The following EPB41L2 variants were observed in gnomAD, a reference collection of about 807,000 sequenced individuals.
EPB41L2 encodes the protein erythrocyte membrane protein band 4.1 like 2.
In EPB41L2, 43 loss-of-function variants were observed where a neutral mutation model predicts 113.0. The ratio of observed to expected loss-of-function variants is 0.38; its 90% CI spans 0.30 to 0.49. EPB41L2 has a LOEUF of 0.49. EPB41L2 is among the 20% of genes least tolerant of loss of function. The pLI is 0.95. For missense variants in EPB41L2, 1,147 were observed against 1,223.4 expected (o/e 0.94, Z 0.93); for synonymous variants, 442 against 436.7 (o/e 1.01, Z -0.15).
intron 4 of EPB41L2, among the ~76,000 whole-genome samples, chr6:130,925,914 A>G (rs1361149342): frequency 2.6e-5 from 4 of 152,260 alleles, no homozygotes; most frequent in African/African-American, 9.6e-5. Flanking sequence ...TTTAAAGCTA[A>G]GCAAGTTGAG....
chr6:131,000,219 G>T (rs1406675413), intron 1 of EPB41L2, among the ~76,000 whole-genome samples: 2 of 152,034 alleles, frequency 1.3e-5, no homozygotes, highest in Non-Finnish European at 2.9e-5. Flanking sequence ...ACTAGACTGG[G>T]TAGGGAGGAT....
At chr6:130,962,154 A>C (rs545927718) in intron 1 of EPB41L2, among the ~76,000 whole-genome samples, 1 of 151,854 alleles carries the variant, frequency 6.6e-6, no homozygotes, top group African/African-American at 2.4e-5. Context: ...AACGTGAGGG[A>C]AAAAAAACAA....
chr6:130,986,498 C>A (rs1262352167), intron 1 of EPB41L2, among the ~76,000 whole-genome samples: 1 of 151,130 alleles, frequency 6.6e-6, no homozygotes, highest in African/African-American at 2.4e-5. Context: ...GCATTGCTGG[C>A]AGGAATGTAA....
chr6:130,986,585 T>C (rs1403663120), intron 1 of EPB41L2, among the ~76,000 whole-genome samples: 1 of 150,844 alleles, frequency 6.6e-6, no homozygotes, highest in African/African-American at 2.5e-5. Flanking sequence ...TAGGATTTTT[T>C]TCTTTTTTTT....
chr6:131,023,780 G>C (rs1385947131), intron 1 of EPB41L2, among the ~76,000 whole-genome samples: 3 of 129,328 alleles, frequency 2.3e-5, no homozygotes, highest in African/African-American at 9.6e-5. Flanking sequence ...TAGATATATA[G>C]ATATATAGAT....
At chr6:131,016,024 T>A (rs1788109569) in intron 1 of EPB41L2, among the ~76,000 whole-genome samples, 2 of 152,232 alleles carry the variant, frequency 1.3e-5, no homozygotes, top group Non-Finnish European at 1.5e-5. Context: ...GTTCCAGCTA[T>A]GAATCGTCTA....
chr6:130,958,162 C>A (rs966643115), intron 1 of EPB41L2, among the ~76,000 whole-genome samples: 2 of 151,992 alleles, frequency 1.3e-5, no homozygotes, highest in African/African-American at 4.8e-5. Context: ...ACAAAAAACA[C>A]AGGACTAGGC....
At chr6:130,940,960 T>G (rs1235539414) in intron 3 of EPB41L2, among the ~76,000 whole-genome samples, 1 of 152,188 alleles carries the variant, frequency 6.6e-6, no homozygotes, top group African/African-American at 2.4e-5. Context: ...CACCTGCTAT[T>G]ACTGTCTTAT....
At chr6:130,887,075 G>A (rs1055742023) in intron 11 of EPB41L2, among the ~76,000 whole-genome samples, 2 of 152,032 alleles carry the variant, frequency 1.3e-5, no homozygotes, top group Non-Finnish European at 2.9e-5. Flanking sequence ...TTTGCAAAAT[G>A]AAAAAAATCT....
intron 1 of EPB41L2, among the ~76,000 whole-genome samples, chr6:130,981,423 C>G (rs1779357006): frequency 6.6e-6 from 1 of 152,122 alleles, no homozygotes; most frequent in African/African-American, 2.4e-5. Flanking sequence ...AACTGTGAAG[C>G]CTGTGTCTCA....
intron 1 of EPB41L2, among the ~76,000 whole-genome samples, chr6:131,021,059 C>T (rs551855793): frequency 1.3e-5 from 2 of 152,004 alleles, no homozygotes; most frequent in African/African-American, 2.4e-5. Flanking sequence ...TGGCCTCCCA[C>T]AGCACTGGGA....
intron 1 of EPB41L2, among the ~76,000 whole-genome samples, chr6:131,060,809 T>G (rs1798504944): frequency 6.6e-6 from 1 of 152,198 alleles, no homozygotes; most frequent in Non-Finnish European, 1.5e-5. Flanking sequence ...TTTGGTGGCC[T>G]CTCTTCAGAT....
At chr6:131,041,711 T>C (rs187653393) in intron 1 of EPB41L2, among the ~76,000 whole-genome samples, 2 of 151,792 alleles carry the variant, frequency 1.3e-5, no homozygotes, top group African/African-American at 4.8e-5. Context: ...AACAAATCAA[T>C]TGAATATAGA....
intron 18 of EPB41L2, among the ~76,000 whole-genome samples, chr6:130,860,657 C>G (rs1002762701): frequency 1.3e-5 from 2 of 152,130 alleles, no homozygotes; most frequent in African/African-American, 4.8e-5. Context: ...CTCAGCCTCC[C>G]GAATAGCTGC....
intron 6 of EPB41L2, among the ~76,000 whole-genome samples, chr6:130,902,841 A>G (rs1359435756): frequency 1.3e-5 from 2 of 152,188 alleles, no homozygotes; most frequent in African/African-American, 4.8e-5. Flanking sequence ...GAATTACCCA[A>G]CTGTACCTTC....
At position 131,012,282 on chromosome 6, in the gene EPB41L2, C is replaced by T. The variant is rs189571864; in HGVS notation, c.-15+50873G>A. ...AATCTCATGAAGTCAGAGCTTCTAA[C>T]GGATTAGATTTAGCCTGGGCCCTGT... On this transcript the variant is annotated intron_variant, in intron 1 of 19. Transcript: ENST00000337057. Among the ~76,000 whole-genome samples the T allele has an allele frequency of 8.6e-5, 13 of 151,044 alleles. No homozygotes were observed. In the East Asian group the frequency reaches 1.8e-3, roughly 20 times the overall value.
In EPB41L2 at chr6:130,981,919, T is replaced by C. The variant is rs528211240; in HGVS notation, c.-14-25420A>G. ...TATATAAAGATATACATTTTTAAAATTACTATTTATCACCATCACCAGCAG... is the reference window on the plus strand; with the variant it reads ...TATATAAAGATATACATTTTTAAAACTACTATTTATCACCATCACCAGCAG... On this transcript the variant is annotated intron_variant, in intron 1 of 19. Transcript: ENST00000337057. 2.0e-4 allele frequency among the ~76,000 whole-genome samples: 30 copies of C among 152,214 alleles called. No individual in the cohort carries two copies. In the South Asian group the frequency reaches 6.0e-3, roughly 31 times the overall value.
At position 130,895,127 on chromosome 6, in the gene EPB41L2, G is replaced by T. The variant is rs546820393; in HGVS notation, c.1237-8C>A. ...GTCCACACCTTCTGAGTCCTGCCAA[G>T]CATAACCCAATTAACCATGGTTAAG... On this transcript the variant is annotated splice_polypyrimidine_tract_variant and splice_region_variant and intron_variant, in intron 8 of 19. Coordinates refer to ENST00000337057, the MANE Select transcript of EPB41L2 (RefSeq NM_001431.4). 16 of 1,599,570 alleles carry T rather than the reference G, an allele frequency of 1.0e-5. No homozygotes were observed. In the Admixed American group the frequency reaches 1.0e-4, roughly 10 times the overall value.
At chr6:130,938,115 A>G (rs910575380) in intron 3 of EPB41L2, among the ~76,000 whole-genome samples, 3 of 152,214 alleles carry the variant, frequency 2.0e-5, no homozygotes, top group African/African-American at 7.2e-5. Context: ...GCAGAGGGAG[A>G]TAGGACGTGA....
Sources: gnomAD v4.1 joint callset for allele counts (sites outside exome capture counted in the v4.1 genomes callset) on GRCh38, gnomAD v4.1.1 for gene constraint, MANE v1.5 for transcripts, NCBI Gene and HGNC (gene_info 2026-07-23, HGNC 2026-07-21) for gene names.